Variants in ATF7IP observed in about 807,000 individuals in gnomAD.
ATF7IP encodes activating transcription factor 7 interacting protein.
Under a neutral mutation model 106.4 loss-of-function variants are expected in ATF7IP, and 23 were observed. The ratio of observed to expected loss-of-function variants is 0.22; its 90% CI spans 0.16 to 0.31. ATF7IP has a LOEUF of 0.31. Among genes scored for constraint, ATF7IP ranks in the 10% least tolerant of loss-of-function variants. The pLI, the probability that ATF7IP is intolerant of heterozygous loss-of-function variation, is 1.00. For synonymous variants in ATF7IP, 542 were observed against 539.0 expected (o/e 1.01, Z -0.08); for missense variants, 1,334 against 1,524.3 (o/e 0.88, Z 2.08).
At chr12:14,472,906 T>C (rs927266163) in intron 10 of ATF7IP, among the ~76,000 whole-genome samples, 1 of 152,192 alleles carries the variant, frequency 6.6e-6, no homozygotes, top group Non-Finnish European at 1.5e-5. Context: ...GAGGTTTAAT[T>C]GGCTCATGGT....
At chr12:14,427,399 G>C (rs552098038) in intron 2 of ATF7IP, among the ~76,000 whole-genome samples, 8 of 150,876 alleles carry the variant, frequency 5.3e-5, no homozygotes, top group Non-Finnish European at 1.0e-4. Flanking sequence ...GTCTCGCTCT[G>C]TTGCCCCGGC....
intron 13 of ATF7IP, among the ~76,000 whole-genome samples, chr12:14,488,834 T>C (rs1054661673): frequency 1.3e-5 from 2 of 152,216 alleles, no homozygotes; most frequent in South Asian, 4.1e-4. Flanking sequence ...TAAATGTTGA[T>C]AGGAAGTCAA....
intron 1 of ATF7IP, among the ~76,000 whole-genome samples, chr12:14,381,993 A>T (rs1565471909): frequency 6.6e-6 from 1 of 152,134 alleles, no homozygotes; most frequent in Non-Finnish European, 1.5e-5. Flanking sequence ...ATAAAAAAAA[A>T]ATTGAATGCA....
In ATF7IP at chr12:14,424,040, A is replaced by G. The variant is rs2136551133; in HGVS notation, c.125A>G (p.Lys42Arg). 6.2e-7 allele frequency: 1 copy of G among 1,614,184 alleles called. No homozygotes were observed. The highest frequency in any genetic ancestry group is 2.2e-5 in the East Asian group (1 of 44,882). The change falls in exon 2 of 15, where the codon AAG becomes AGG. Residue 42 changes from lysine (K) to arginine (R), a missense_variant. By Grantham distance (26) the Lys-to-Arg change is conservative. This residue lies in a region of ATF7IP where 74 missense variants were observed against 101.9 expected (regional missense o/e 0.73). Transcript: ENST00000261168. ...GAAGAACTGTTGAAAACTGATGTCA[A>G]GCTGTTAAATGGCAACCATGAAAAT... The part of the protein sequence containing the change: ...VKEELLKTDV[K>R]LLNGNHENGD...
At chr12:14,413,681 GAA>G (rs1183751817) in intron 1 of ATF7IP, among the ~76,000 whole-genome samples, 4 of 152,032 alleles carry the variant, frequency 2.6e-5, no homozygotes, top group African/African-American at 9.7e-5. Context: ...AAACTAATGA[GAA>G]AAGGATATGT....
intron 1 of ATF7IP, among the ~76,000 whole-genome samples, chr12:14,366,683 T>C (rs147814200): frequency 6.6e-6 from 1 of 152,364 alleles, no homozygotes; most frequent in Admixed American, 6.5e-5. Context: ...AGATTATTGT[T>C]ACTTTTGAAA....
intron 1 of ATF7IP, chr12:14,384,956 T>A (rs1939153646): frequency 6.4e-6 from 1 of 156,848 alleles, no homozygotes; most frequent in South Asian, 2.1e-4. Flanking sequence ...TCAAGCGAAT[T>A]CCCTGATGTT....
chr12:14,449,206 A>G (rs1943102028), intron 6 of ATF7IP, among the ~76,000 whole-genome samples: 2 of 152,298 alleles, frequency 1.3e-5, no homozygotes, highest in South Asian at 4.1e-4. Flanking sequence ...CATATACAAA[A>G]GAATCATTGC....
chr12:14,432,909 C>G (rs1343085455), intron 2 of ATF7IP, among the ~76,000 whole-genome samples: 3 of 151,986 alleles, frequency 2.0e-5, no homozygotes, highest in Non-Finnish European at 4.4e-5. Flanking sequence ...TTGTAGCTCC[C>G]TTATTCCTCA....
chr12:14,476,076 A>C, intron 11 of ATF7IP, 108 bp downstream of exon 11: 1 of 845,966 alleles, frequency 1.2e-6, no homozygotes, highest in Non-Finnish European at 1.9e-6. Context: ...TGCTTGGTTT[A>C]TTTGTGTTCT....
At chr12:14,457,095 C>T in intron 7 of ATF7IP, 112 bp from the exon 8 acceptor site, 1 of 891,926 alleles carries the variant, frequency 1.1e-6, no homozygotes, top group South Asian at 1.5e-5. Flanking sequence ...GATTGTGAAA[C>T]CCAAGTCTAG....
At chr12:14,435,134 G>T (rs1942342996) in intron 3 of ATF7IP, among the ~76,000 whole-genome samples, 1 of 144,336 alleles carries the variant, frequency 6.9e-6, no homozygotes, top group African/African-American at 2.5e-5. Context: ...GAAGGAAGAG[G>T]GAAGGAAGGA....
chr12:14,429,737 T>G (rs1942030103), intron 2 of ATF7IP, among the ~76,000 whole-genome samples: 1 of 152,250 alleles, frequency 6.6e-6, no homozygotes. Context: ...GTTAAAATTC[T>G]TTATCATCTC....
chr12:14,457,204 T>C lies in ATF7IP; in HGVS notation c.2070-3T>C. ...ACTATTGGTGTGTATATGTATTTCA[T>C]AGAAATGCAGGCACAGTGAGACAGA... is the stretch of plus-strand genomic sequence containing the variant. On this transcript the variant is annotated splice_polypyrimidine_tract_variant and splice_region_variant and intron_variant, in intron 7 of 14. Coordinates refer to ENST00000261168, the MANE Select transcript of ATF7IP (RefSeq NM_018179.5). The C allele has an allele frequency of 6.2e-7, 1 of 1,608,766 alleles. No individual in the cohort carries two copies. The highest frequency in any genetic ancestry group is 8.5e-7 in the Non-Finnish European group (1 of 1,175,708).
At chr12:14,409,236 A>C (rs761915973) in intron 1 of ATF7IP, among the ~76,000 whole-genome samples, 2 of 152,136 alleles carry the variant, frequency 1.3e-5, no homozygotes, top group Admixed American at 6.6e-5. Flanking sequence ...CCTTCAGAGC[A>C]TTGGCAAATA....
intron 6 of ATF7IP, among the ~76,000 whole-genome samples, chr12:14,454,901 A>T (rs1281106065): frequency 6.6e-6 from 1 of 152,192 alleles, no homozygotes. Flanking sequence ...AATGATGGCC[A>T]GGCACAGTAG....
At chr12:14,392,992 G>A (rs1157489233) in intron 1 of ATF7IP, among the ~76,000 whole-genome samples, 3 of 152,138 alleles carry the variant, frequency 2.0e-5, no homozygotes, top group Non-Finnish European at 2.9e-5. Context: ...TTAGCAGTGA[G>A]CTAGATCAAC....
chr12:14,497,152 TA>T (rs571621883), intron 14 of ATF7IP, among the ~76,000 whole-genome samples: 5 of 152,244 alleles, frequency 3.3e-5, no homozygotes, highest in Non-Finnish European at 7.3e-5. Context: ...CTTTTTCTTG[TA>T]AATTGGCCAA....
intron 1 of ATF7IP, among the ~76,000 whole-genome samples, chr12:14,374,929 T>C (rs1157282497): frequency 6.6e-6 from 1 of 152,190 alleles, no homozygotes; most frequent in Non-Finnish European, 1.5e-5. Flanking sequence ...TTTTGTGTAG[T>C]ACTTTATAAG....
Sources: allele counts gnomAD v4.1 joint callset (sites outside exome capture counted in the v4.1 genomes callset), GRCh38; gene constraint gnomAD v4.1.1; regional missense constraint gnomAD v4.1.1; transcripts MANE v1.5; gene names NCBI Gene and HGNC (gene_info 2026-07-23, HGNC 2026-07-21).